Variants in MPDZ observed in about 807,000 individuals in gnomAD.
MPDZ encodes multiple PDZ domain crumbs cell polarity complex component, also known as multiple PDZ domain protein.
MPDZ carries 234 observed loss-of-function variants against 239.1 expected under a neutral mutation model. The observed-to-expected ratio is 0.98, with a 90% CI of 0.88 to 1.09. The LOEUF is 1.09. Among genes scored for constraint, MPDZ ranks in the 50% least tolerant of loss-of-function variants. The pLI is 0.00. For synonymous variants in MPDZ, 1,048 were observed against 881.3 expected, an observed-to-expected ratio of 1.19 and a Z score of -3.35; for missense variants, 3,175 against 2,510.0, an observed-to-expected ratio of 1.26 and a Z score of -5.66.
rs189480224 is a variant in MPDZ, at chr9:13,124,921, G to A, written c.4807+295C>T. ...AGGTGCCCTTAGCAATATATTTTTG[G>A]AGAGCAAAGAATACTATTCCCTTGT... On this transcript the variant is annotated intron_variant, in intron 35 of 46. Coordinates refer to ENST00000319217, the MANE Select transcript of MPDZ (RefSeq NM_001378778.1). Among the ~76,000 whole-genome samples the A allele has an allele frequency of 6.8e-4, 103 of 152,212 alleles. No individual in the cohort carries two copies. The Middle Eastern group carries it at 0.01, about 15-fold the overall frequency.
rs994375398 is a variant in MPDZ, at chr9:13,222,955, C to CA, written c.534-510dup. Among the ~76,000 whole-genome samples the CA allele has an allele frequency of 6.6e-5, 10 of 151,344 alleles. No homozygotes were observed. In the South Asian group the frequency reaches 8.4e-4, roughly 13 times the overall value. On this transcript the variant is annotated intron_variant, in intron 5 of 46. Coordinates refer to ENST00000319217, the MANE Select transcript of MPDZ (RefSeq NM_001378778.1). ...TCCCCAACTGGGGATCAAATATACTCAAAAAAAATAATGCCACAACAATAA... is the reference window on the plus strand; with the variant it reads ...TCCCCAACTGGGGATCAAATATACTCAAAAAAAAATAATGCCACAACAATAA...
chr9:13,273,938 AAC>A (rs1973591311), intron 1 of MPDZ, among the ~76,000 whole-genome samples: 1 of 152,222 alleles, frequency 6.6e-6, no homozygotes, highest in Admixed American at 6.5e-5. Context: ...CAAATTATAT[AAC>A]ATTTAATAAT....
At chr9:13,181,817 A>T (rs1953375582) in intron 19 of MPDZ, among the ~76,000 whole-genome samples, 1 of 152,174 alleles carries the variant, frequency 6.6e-6, no homozygotes, top group African/African-American at 2.4e-5. Flanking sequence ...GTCCACTGGG[A>T]AGAAGACGTG....
chr9:13,221,817 G>A (rs1428757075), intron 6 of MPDZ, among the ~76,000 whole-genome samples: 4 of 151,530 alleles, frequency 2.6e-5, no homozygotes, highest in Admixed American at 6.6e-5. Context: ...GAAAAAAAAA[G>A]GTCACATGTT....
At chr9:13,139,030 T>C (rs1348905848) in intron 28 of MPDZ, among the ~76,000 whole-genome samples, 1 of 152,248 alleles carries the variant, frequency 6.6e-6, no homozygotes, top group African/African-American at 2.4e-5. Context: ...CCACATTGAT[T>C]GTTAGCAATA....
At chr9:13,268,802 G>C (rs1382952248) in intron 1 of MPDZ, among the ~76,000 whole-genome samples, 2 of 152,236 alleles carry the variant, frequency 1.3e-5, no homozygotes, top group African/African-American at 4.8e-5. Context: ...AGAATGACAG[G>C]AGCTAGGAAG....
intron 12 of MPDZ, among the ~76,000 whole-genome samples, chr9:13,201,204 C>T (rs1956348697): frequency 6.6e-6 from 1 of 151,890 alleles, no homozygotes; most frequent in African/African-American, 2.4e-5. Flanking sequence ...CTTCACTTAG[C>T]CTATTTTATC....
intron 24 of MPDZ, among the ~76,000 whole-genome samples, chr9:13,153,435 AT>A (rs1310364995): frequency 6.6e-6 from 1 of 151,904 alleles, no homozygotes; most frequent in Non-Finnish European, 1.5e-5. Flanking sequence ...ATCCTTCCCT[AT>A]TTTTGTTTGT....
At chr9:13,231,718 A>AT (rs1167796425) in intron 3 of MPDZ, among the ~76,000 whole-genome samples, 1 of 150,496 alleles carries the variant, frequency 6.6e-6, no homozygotes, top group Non-Finnish European at 1.5e-5. Flanking sequence ...TTTTGTGACA[A>AT]AAAAAGGCTG....
At chr9:13,264,656 TAA>T (rs201009628) in intron 1 of MPDZ, among the ~76,000 whole-genome samples, 47 of 132,732 alleles carry the variant, frequency 3.5e-4, no homozygotes, top group Non-Finnish European at 3.6e-4. Context: ...ACCCATAATT[TAA>T]AAAAAAAAAA....
intron 3 of MPDZ, among the ~76,000 whole-genome samples, chr9:13,236,618 T>C (rs1457497654): frequency 6.6e-6 from 1 of 151,906 alleles, no homozygotes; most frequent in African/African-American, 2.4e-5. Context: ...TCTTCTTCTT[T>C]AAGAAGGCCT....
At chr9:13,185,286 G>A (rs1420099326) in intron 18 of MPDZ, among the ~76,000 whole-genome samples, 1 of 151,910 alleles carries the variant, frequency 6.6e-6, no homozygotes, top group East Asian at 1.9e-4. Context: ...AAAAATATTA[G>A]CAAAAGGAAT....
chr9:13,235,262 C>G (rs13286201), intron 3 of MPDZ, among the ~76,000 whole-genome samples: 19,784 of 152,148 alleles, frequency 0.13, 1,384 homozygotes, highest in Middle Eastern at 0.14. Flanking sequence ...AAGGTAGCTC[C>G]TAGCTCCTGA....
chr9:13,242,215 CTTTTTTTTTT>C (rs145555644), intron 3 of MPDZ, among the ~76,000 whole-genome samples: 1 of 50,754 alleles, frequency 2.0e-5, no homozygotes, highest in Non-Finnish European at 3.3e-5. Flanking sequence ...TGTTAGGATG[CTTTTTTTTTT>C]TTTTTTTTTT....
chr9:13,251,203 C>G (rs1967920319), intron 1 of MPDZ, among the ~76,000 whole-genome samples: 2 of 147,796 alleles, frequency 1.4e-5, no homozygotes, highest in African/African-American at 5.0e-5. Flanking sequence ...AGTACCTGAA[C>G]CACTGGAAGA....
intron 3 of MPDZ, among the ~76,000 whole-genome samples, chr9:13,236,308 A>T (rs1964044697): frequency 1.0e-5 from 1 of 96,252 alleles, no homozygotes; most frequent in Non-Finnish European, 2.0e-5. Context: ...ACAGAGTTTC[A>T]CTCTTGTTGC....
intron 21 of MPDZ, 83 bp downstream of exon 21, chr9:13,175,669 A>G: frequency 7.1e-7 from 1 of 1,414,552 alleles, no homozygotes; most frequent in Non-Finnish European, 9.7e-7. Flanking sequence ...CTACAGCATA[A>G]AAAATTGAAA....
chr9:13,254,819 T>C (rs926838402), intron 1 of MPDZ, among the ~76,000 whole-genome samples: 4 of 152,212 alleles, frequency 2.6e-5, no homozygotes, highest in African/African-American at 4.8e-5. Context: ...TCTGAGCCTT[T>C]GGTGAGTCAC....
At chr9:13,142,805 TAA>T (rs1024606023) in intron 27 of MPDZ, among the ~76,000 whole-genome samples, 2 of 152,136 alleles carry the variant, frequency 1.3e-5, no homozygotes, top group Admixed American at 6.6e-5. Context: ...TGAATATTCA[TAA>T]AGTGTTTCCT....
Sources: gnomAD v4.1 joint callset for allele counts (sites outside exome capture counted in the v4.1 genomes callset) on GRCh38, gnomAD v4.1.1 for gene constraint, MANE v1.5 for transcripts, NCBI Gene and HGNC (gene_info 2026-07-23, HGNC 2026-07-21) for gene names.